CRPPA: variants seen among roughly 807,000 people sequenced by gnomAD.
CRPPA encodes CDP-L-ribitol pyrophosphorylase A, also known as D-ribitol-5-phosphate cytidylyltransferase.
CRPPA carries 43 observed loss-of-function variants against 52.0 expected under a neutral mutation model. That is an observed-to-expected ratio of 0.83 (90% CI 0.65 to 1.07). CRPPA has a LOEUF of 1.07. CRPPA is among the 50% of genes least tolerant of loss of function. The probability of loss-of-function intolerance (pLI) is 0.00; values close to 1 mark genes in which losing one functional copy is unlikely to be tolerated. For synonymous variants in CRPPA, 250 were observed against 203.5 expected, an observed-to-expected ratio of 1.23 and a Z score of -1.94; for missense variants, 629 against 551.7, an observed-to-expected ratio of 1.14 and a Z score of -1.40.
At chr7:16,323,619 A>G (rs372579528) in intron 3 of CRPPA, among the ~76,000 whole-genome samples, 1 of 152,230 alleles carries the variant, frequency 6.6e-6, no homozygotes, top group African/African-American at 2.4e-5. Context: ...AGGCATGAAC[A>G]TAATTTGTCA....
chr7:16,110,771 C>G (rs984859245), intron 9 of CRPPA, among the ~76,000 whole-genome samples: 2 of 152,032 alleles, frequency 1.3e-5, no homozygotes, highest in Admixed American at 6.6e-5. Context: ...GGGCCCTAAT[C>G]TCACACCATA....
At chr7:16,319,047 C>A (rs1785203316) in intron 3 of CRPPA, among the ~76,000 whole-genome samples, 1 of 152,166 alleles carries the variant, frequency 6.6e-6, no homozygotes, top group African/African-American at 2.4e-5. Context: ...ATTCCCCACC[C>A]TTTCAATATC....
At chr7:16,354,473 T>C (rs1236520621) in intron 3 of CRPPA, among the ~76,000 whole-genome samples, 3 of 145,350 alleles carry the variant, frequency 2.1e-5, no homozygotes, top group South Asian at 4.2e-4. Flanking sequence ...CTTAATTCCA[T>C]TTAATATTTT....
At chr7:16,301,520 G>T in intron 4 of CRPPA, 54 bp from the exon 5 acceptor site, 3 of 1,346,608 alleles carry the variant, frequency 2.2e-6, no homozygotes, top group Non-Finnish European at 3.2e-6. Flanking sequence ...GAATGTGCAA[G>T]CAATAAAATA....
intron 3 of CRPPA, among the ~76,000 whole-genome samples, chr7:16,345,740 A>T (rs949233165): frequency 1.4e-5 from 2 of 142,740 alleles, no homozygotes; most frequent in Non-Finnish European, 3.1e-5. Context: ...ACTCTGCTAA[A>T]ATGTCACTCT....
At chr7:16,254,771 CAGAAAGAAAGAA>C (rs373072535) in intron 8 of CRPPA, among the ~76,000 whole-genome samples, 8 of 110,968 alleles carry the variant, frequency 7.2e-5, no homozygotes, top group East Asian at 3.0e-4. Flanking sequence ...GACAGACACA[CAGAAAGAAAGAA>C]AGAAAGAAGG....
intron 3 of CRPPA, among the ~76,000 whole-genome samples, chr7:16,344,967 A>AT (rs1785971000): frequency 6.6e-6 from 1 of 152,118 alleles, no homozygotes; most frequent in African/African-American, 2.4e-5. Context: ...AAACTGCCCA[A>AT]TTTTGATGAA....
intron 3 of CRPPA, among the ~76,000 whole-genome samples, chr7:16,355,125 A>G (rs1267877993): frequency 6.6e-6 from 1 of 152,202 alleles, no homozygotes; most frequent in Non-Finnish European, 1.5e-5. Flanking sequence ...GTAAGAATCA[A>G]CTTCAAGAAA....
chr7:16,143,729 G>A (rs1012770006), intron 9 of CRPPA, among the ~76,000 whole-genome samples: 21 of 152,136 alleles, frequency 1.4e-4, no homozygotes, highest in Admixed American at 1.3e-3. Flanking sequence ...AAGAAGATAC[G>A]GTTAGATGTT....
intron 3 of CRPPA, among the ~76,000 whole-genome samples, chr7:16,372,539 T>A (rs1356283019): frequency 6.6e-6 from 1 of 152,108 alleles, no homozygotes; most frequent in Non-Finnish European, 1.5e-5. Context: ...CAAGAAATGC[T>A]AAAATGAGTT....
chr7:16,370,579 C>A (rs1335731018), intron 3 of CRPPA, among the ~76,000 whole-genome samples: 2 of 152,134 alleles, frequency 1.3e-5, no homozygotes, highest in African/African-American at 4.8e-5. Context: ...GGCACTACAT[C>A]AAGGAAACAC....
At chr7:16,108,435 C>A (rs1782197951) in intron 9 of CRPPA, among the ~76,000 whole-genome samples, 1 of 151,772 alleles carries the variant, frequency 6.6e-6, no homozygotes, top group Non-Finnish European at 1.5e-5. Flanking sequence ...ATGCACCCAA[C>A]AACAGAGCAC....
chr7:16,119,884 C>T (rs907263493), intron 9 of CRPPA, among the ~76,000 whole-genome samples: 17 of 152,164 alleles, frequency 1.1e-4, no homozygotes, highest in Middle Eastern at 3.4e-3. Context: ...GAGTCTGGAA[C>T]GTGGAAAAGA....
rs139865594 is a variant in CRPPA, at chr7:16,403,342, C to T, written c.534+2719G>A. 3.3e-5 allele frequency among the ~76,000 whole-genome samples: 5 copies of T among 152,236 alleles called. No individual in the cohort carries two copies. In the East Asian group the frequency reaches 9.7e-4, roughly 29 times the overall value. On this transcript the variant is annotated intron_variant, in intron 2 of 9. Transcript: ENST00000407010. ...TTGAGCTCTACAACCTTAATGCCAG[C>T]CTTAATCGTGGATATCTGAGTCTCT...
intron 2 of CRPPA, among the ~76,000 whole-genome samples, chr7:16,399,656 T>G (rs1304851916): frequency 2.0e-5 from 3 of 151,910 alleles, no homozygotes; most frequent in Non-Finnish European, 2.9e-5. Context: ...GTAATCAACG[T>G]GTGACACGTG....
chr7:16,150,352 A>G (rs1783053190), intron 9 of CRPPA, among the ~76,000 whole-genome samples: 1 of 152,158 alleles, frequency 6.6e-6, no homozygotes, highest in Non-Finnish European at 1.5e-5. Context: ...CTGTCTAATT[A>G]AGAAGAATAG....
chr7:16,245,742 T>A (rs542358720), intron 8 of CRPPA, among the ~76,000 whole-genome samples: 11 of 152,294 alleles, frequency 7.2e-5, no homozygotes, highest in African/African-American at 2.6e-4. Context: ...AATATCACAA[T>A]GAAATGAGTC....
At chr7:16,376,928 G>A (rs983700033) in intron 2 of CRPPA, among the ~76,000 whole-genome samples, 1 of 152,068 alleles carries the variant, frequency 6.6e-6, no homozygotes, top group Non-Finnish European at 1.5e-5. Context: ...AGTTTTGAAG[G>A]CCATTACCAG....
At chr7:16,235,333 C>T (rs1344185991) in intron 8 of CRPPA, among the ~76,000 whole-genome samples, 1 of 151,998 alleles carries the variant, frequency 6.6e-6, no homozygotes, top group African/African-American at 2.4e-5. Flanking sequence ...TACTTTAAAT[C>T]GTGAGGCTTC....
Sources: gnomAD v4.1 joint callset for allele counts (sites outside exome capture counted in the v4.1 genomes callset) on GRCh38, gnomAD v4.1.1 for gene constraint, MANE v1.5 for transcripts, NCBI Gene and HGNC (gene_info 2026-07-23, HGNC 2026-07-21) for gene names.